TRAF3IP2: variants seen among roughly 807,000 people sequenced by gnomAD.
TRAF3IP2 encodes the protein TRAF3 interacting protein 2, also known as E3 ubiquitin ligase TRAF3IP2.
TRAF3IP2 carries 35 observed loss-of-function variants against 57.9 expected under a neutral mutation model. The observed-to-expected ratio is 0.60, with a 90% CI of 0.46 to 0.80. TRAF3IP2 has a LOEUF of 0.80. Ranked by LOEUF, TRAF3IP2 falls within the 30% of genes least tolerant of loss-of-function variation. TRAF3IP2 has a pLI of 0.00. For missense variants in TRAF3IP2, 556 were observed against 706.4 expected (o/e 0.79, Z 2.41); for synonymous variants, 251 against 268.9 (o/e 0.93, Z 0.65).
At chr6:111,590,097 A>G (rs1298577773) in intron 2 of TRAF3IP2, among the ~76,000 whole-genome samples, 1 of 152,202 alleles carries the variant, frequency 6.6e-6, no homozygotes, top group Admixed American at 6.5e-5. Flanking sequence ...GAAAAAAAAA[A>G]TGGTGATAGA....
Position 111,591,735 on chromosome 6 carries a change from A to G in TRAF3IP2, c.352T>C (p.Ser118Pro). The change falls in exon 2 of 9, where the codon TCT (serine) becomes CCT (proline). Residue 118 changes from serine to proline, a missense_variant. Transcript: ENST00000368761. The surrounding 1 kb of genome is among the most constrained non-coding windows in gnomAD (Gnocchi z 4.9). ...GGGAGGGCTCCAACCACAGACTCAGACGCAGGCTCGCTGACTGCAGAGCAC... is the reference window on the plus strand; with the variant it reads ...GGGAGGGCTCCAACCACAGACTCAGGCGCAGGCTCGCTGACTGCAGAGCAC... ...SGCSAVSEPA[S>P]ESVVGALPAE... 1 of 1,614,240 alleles carries G rather than the reference A, an allele frequency of 6.2e-7. No homozygotes were observed. Among genetic ancestry groups the G allele is most frequent in the Non-Finnish European group, 8.5e-7 (1 of 1,180,040 alleles).
At chr6:111,587,832 T>C (rs923630472) in intron 2 of TRAF3IP2, among the ~76,000 whole-genome samples, 1 of 152,270 alleles carries the variant, frequency 6.6e-6, no homozygotes, top group African/African-American at 2.4e-5. Flanking sequence ...AAATGACTTA[T>C]CTGGCCCCTT....
chr6:111,570,035 GAAGT>G (rs1795780315), intron 5 of TRAF3IP2, among the ~76,000 whole-genome samples: 1 of 152,136 alleles, frequency 6.6e-6, no homozygotes, highest in Admixed American at 6.6e-5. Context: ...GACCTTTAAA[GAAGT>G]AATTAGGATA....
chr6:111,561,384 G>A (rs1479080686), intron 8 of TRAF3IP2, among the ~76,000 whole-genome samples: 1 of 151,058 alleles, frequency 6.6e-6, no homozygotes, highest in Non-Finnish European at 1.5e-5. Flanking sequence ...AGGTTGCAGT[G>A]AGCCGAGATC....
intron 6 of TRAF3IP2, 145 bp downstream of exon 6, chr6:111,567,479 A>T: frequency 7.6e-7 from 1 of 1,311,164 alleles, no homozygotes. Flanking sequence ...AAGTCTTTGC[A>T]CGGCTTCCAA....
intron 2 of TRAF3IP2, among the ~76,000 whole-genome samples, chr6:111,585,977 C>T (rs1477362139): frequency 1.4e-5 from 2 of 146,530 alleles, no homozygotes; most frequent in Non-Finnish European, 3.0e-5. Flanking sequence ...TCAGTCACAA[C>T]ATGCAACATT....
intron 2 of TRAF3IP2, among the ~76,000 whole-genome samples, chr6:111,580,798 G>C (rs1796134888): frequency 6.6e-6 from 1 of 152,220 alleles, no homozygotes; most frequent in Non-Finnish European, 1.5e-5. Context: ...GATAGATATA[G>C]AATCACTGCT....
chr6:111,588,717 A>G (rs1394092096), intron 2 of TRAF3IP2, among the ~76,000 whole-genome samples: 2 of 152,198 alleles, frequency 1.3e-5, no homozygotes, highest in African/African-American at 2.4e-5. Context: ...TTAAAAACAT[A>G]TGTATGCAAT....
chr6:111,564,426 T>TAG (rs1453485244), intron 7 of TRAF3IP2, among the ~76,000 whole-genome samples: 2 of 152,198 alleles, frequency 1.3e-5, no homozygotes, highest in African/African-American at 4.8e-5. Flanking sequence ...GCTTGTGCAC[T>TAG]AGGCTGCCCA....
intron 2 of TRAF3IP2, among the ~76,000 whole-genome samples, chr6:111,590,837 T>A (rs1041429383): frequency 3.3e-5 from 5 of 152,220 alleles, no homozygotes; most frequent in African/African-American, 1.2e-4. Context: ...TTTGTTTTGC[T>A]TTGTTTTTGA....
At chr6:111,594,627 C>T in intron 1 of TRAF3IP2, 1 of 366,038 alleles carries the variant, frequency 2.7e-6, no homozygotes, top group South Asian at 2.0e-5. Context: ...GTTAAAACTG[C>T]TCTGGGGCTG....
chr6:111,587,347 C>A (rs1317577970), intron 2 of TRAF3IP2, among the ~76,000 whole-genome samples: 1 of 152,116 alleles, frequency 6.6e-6, no homozygotes, highest in Admixed American at 6.5e-5. Flanking sequence ...CCTCCACCTT[C>A]CGGGTTCAAG....
intron 1 of TRAF3IP2, chr6:111,597,999 C>T (rs1349315662): frequency 2.3e-6 from 1 of 425,894 alleles, no homozygotes; most frequent in Non-Finnish European, 4.6e-6. Flanking sequence ...CCAACTAGGA[C>T]CCTGGGAGCC....
In TRAF3IP2 at chr6:111,559,570, CA is replaced by C; in HGVS notation, c.1552-20del. On this transcript the variant is annotated intron_variant, in intron 8 of 8. Transcript: ENST00000368761. ...CATGCTCCTATGGGAGGCAGAATGA[CA>C]GGAGCAAAGGTCATTAGAGAAAAAC... 1 of 1,613,150 alleles carries C rather than the reference CA, an allele frequency of 6.2e-7. No homozygotes were observed. Among genetic ancestry groups the C allele is most frequent in the Middle Eastern group, 1.7e-4 (1 of 6,002 alleles).
chr6:111,589,426 T>C (rs535793175), intron 2 of TRAF3IP2, among the ~76,000 whole-genome samples: 2 of 152,312 alleles, frequency 1.3e-5, no homozygotes, highest in African/African-American at 4.8e-5. Context: ...GGTATTATTC[T>C]CACAAATTAC....
At chr6:111,566,297 C>T in intron 7 of TRAF3IP2, 147 bp downstream of exon 7, 1 of 669,474 alleles carries the variant, frequency 1.5e-6, no homozygotes, top group Admixed American at 2.6e-5. Context: ...CCAGAACCAA[C>T]AGCTCCTCTC....
At chr6:111,578,884 T>G (rs1383958239) in intron 3 of TRAF3IP2, among the ~76,000 whole-genome samples, 1 of 152,252 alleles carries the variant, frequency 6.6e-6, no homozygotes, top group Non-Finnish European at 1.5e-5. Context: ...CAGTGGTATA[T>G]AAAAGTTGCT....
chr6:111,572,863 T>C (rs1164381677), intron 5 of TRAF3IP2, 32 bp downstream of exon 5: 2 of 1,532,090 alleles, frequency 1.3e-6, no homozygotes, highest in Non-Finnish European at 1.8e-6. Flanking sequence ...TCACTATAAC[T>C]GTTCAGTTAT....
chr6:111,604,252 A>G (rs575365781), intron 1 of TRAF3IP2, among the ~76,000 whole-genome samples: 2 of 152,332 alleles, frequency 1.3e-5, no homozygotes, highest in Non-Finnish European at 2.9e-5. Flanking sequence ...GGTCTGGAAA[A>G]AGTTAAGGAT....
Sources: gnomAD v4.1 joint callset for allele counts (sites outside exome capture counted in the v4.1 genomes callset) on GRCh38, gnomAD v4.1.1 for gene constraint, Gnocchi (gnomAD v3.1) non-coding constraint, MANE v1.5 for transcripts, NCBI Gene and HGNC (gene_info 2026-07-23, HGNC 2026-07-21) for gene names.